Variants in GRIN2B observed in about 807,000 individuals in gnomAD.
GRIN2B encodes the protein glutamate receptor ionotropic, NMDA 2B.
A neutral mutation model predicts 114.5 loss-of-function variants in GRIN2B; 5 were observed. The observed-to-expected ratio is 0.04, with a 90% CI of 0.02 to 0.09. GRIN2B has a LOEUF of 0.09. Ranked by LOEUF, GRIN2B falls within the 10% of genes least tolerant of loss-of-function variation. GRIN2B has a pLI of 1.00. For synonymous variants in GRIN2B, 787 were observed against 745.1 expected, an observed-to-expected ratio of 1.06 and a Z score of -0.92; for missense variants, 1,108 against 1,943.5, an observed-to-expected ratio of 0.57 and a Z score of 8.08.
intron 2 of GRIN2B, among the ~76,000 whole-genome samples, chr12:13,910,651 T>C (rs1403824304): frequency 1.3e-5 from 2 of 152,178 alleles, no homozygotes; most frequent in East Asian, 3.9e-4. Context: ...CCGCACACCA[T>C]TTCCCAAGGA....
At chr12:13,807,506 CT>C (rs750480851) in intron 3 of GRIN2B, among the ~76,000 whole-genome samples, 4 of 152,042 alleles carry the variant, frequency 2.6e-5, no homozygotes, top group Non-Finnish European at 4.4e-5. Flanking sequence ...AGTAAGTAAG[CT>C]TTCCTAGGCA....
chr12:13,825,055 ATTTAAT>A (rs1865007462), intron 3 of GRIN2B, among the ~76,000 whole-genome samples: 1 of 152,000 alleles, frequency 6.6e-6, no homozygotes, highest in South Asian at 2.1e-4. Context: ...GAATATAATC[ATTTAAT>A]TTTATAAATG....
chr12:13,916,735 A>ACACACACACAAATGTG (rs59238170), intron 2 of GRIN2B, among the ~76,000 whole-genome samples: 1 of 101,904 alleles, frequency 9.8e-6, no homozygotes, highest in Non-Finnish European at 2.1e-5. Flanking sequence ...ACACACACAC[A>ACACACACACAAATGTG]TTTGTGTGTG....
At chr12:13,614,665 GC>G (rs528049531) in intron 8 of GRIN2B, among the ~76,000 whole-genome samples, 4 of 152,202 alleles carry the variant, frequency 2.6e-5, no homozygotes, top group Non-Finnish European at 5.9e-5. Context: ...GTAGCTCTGA[GC>G]GCAATTCTTG....
intron 3 of GRIN2B, among the ~76,000 whole-genome samples, chr12:13,763,007 A>C (rs1017396299): frequency 6.6e-6 from 1 of 152,118 alleles, no homozygotes; most frequent in African/African-American, 2.4e-5. Flanking sequence ...GTTCACAATC[A>C]AAGAGGCTTT....
rs1461035543 is a variant in GRIN2B at position 13,933,249 on chromosome 12, G to A, written c.-19+46679C>T. On this transcript the variant is annotated intron_variant, in intron 2 of 13. Coordinates refer to ENST00000609686, the MANE Select transcript of GRIN2B (RefSeq NM_000834.5). The stretch of plus-strand genomic sequence containing the variant: ...AACTCTCTTCAATTAAACCCTTTGA[G>A]TATGCCATTGTCTCCCTGCCAGCAC... Among the ~76,000 whole-genome samples the A allele has an allele frequency of 2.6e-5, 4 of 152,190 alleles. No homozygotes were observed. In the South Asian group the frequency reaches 6.2e-4, roughly 24 times the overall value.
At chr12:13,802,362 C>A (rs111823455) in intron 3 of GRIN2B, among the ~76,000 whole-genome samples, 6,905 of 152,014 alleles carry the variant, frequency 0.045, 312 homozygotes, top group African/African-American at 0.11. Flanking sequence ...CACTATTGAT[C>A]AACACACATA....
chr12:13,564,245 C>T lies in GRIN2B; in HGVS notation c.2993G>A (p.Ser998Asn). ...HHRPHSIGSA[S>N]SIDGLYDCDN... ...ACAGTCGTAGAGCCCATCGATGGAG[C>T]TGGCACTGCCAATACTATGGGGCCG... Residue 998 changes from serine to asparagine, a missense_variant, in exon 14 of 14, where the codon AGC (serine) becomes AAC (asparagine). Transcript: ENST00000609686. This position sits in a 1 kb window ranked among gnomAD's most constrained non-coding sequence, Gnocchi z 4.8. 1 of 1,614,186 alleles carries T rather than the reference C, an allele frequency of 6.2e-7. No homozygotes were observed. Among genetic ancestry groups the T allele is most frequent in the East Asian group, 2.2e-5 (1 of 44,864 alleles).
intron 4 of GRIN2B, among the ~76,000 whole-genome samples, chr12:13,734,703 A>G (rs1284712077): frequency 6.6e-6 from 1 of 152,214 alleles, no homozygotes; most frequent in East Asian, 1.9e-4. Context: ...AACTGTTTGC[A>G]CATCTATGTG....
At chr12:13,689,105 T>A (rs1017396013) in intron 4 of GRIN2B, among the ~76,000 whole-genome samples, 1 of 152,212 alleles carries the variant, frequency 6.6e-6, no homozygotes, top group Non-Finnish European at 1.5e-5. Context: ...TTTATGCAGA[T>A]ATCAGCCATT....
rs74930846 is a variant in GRIN2B, at chr12:13,972,706, T to C, written c.-19+7222A>G. ...GGCCACATGGCCAACCTTAGGACTATTTTCACAGTTTTTAAAGGGTGGTTG... is the reference window on the plus strand; with the variant it reads ...GGCCACATGGCCAACCTTAGGACTACTTTCACAGTTTTTAAAGGGTGGTTG... On this transcript the variant is annotated intron_variant, in intron 2 of 13. Transcript: ENST00000609686. 8.7e-4 allele frequency among the ~76,000 whole-genome samples: 133 copies of C among 152,262 alleles called. 1 individual carries two copies. The highest frequency in any genetic ancestry group is 3.4e-3 in the Middle Eastern group (1 of 294).
At chr12:13,860,467 T>C (rs1865733668) in intron 3 of GRIN2B, among the ~76,000 whole-genome samples, 1 of 152,166 alleles carries the variant, frequency 6.6e-6, no homozygotes, top group African/African-American at 2.4e-5. Context: ...TAGCTGTGAT[T>C]ACAGGTGTGC....
chr12:13,898,878 T>C (rs1866398538), intron 2 of GRIN2B, among the ~76,000 whole-genome samples: 1 of 152,250 alleles, frequency 6.6e-6, no homozygotes, highest in Non-Finnish European at 1.5e-5. Context: ...GCCATTGCAC[T>C]CCGTGGGCAA....
chr12:13,584,284 T>A (rs1261913875), intron 10 of GRIN2B, among the ~76,000 whole-genome samples: 3 of 152,186 alleles, frequency 2.0e-5, no homozygotes, highest in Non-Finnish European at 2.9e-5. Flanking sequence ...TGGGCCAGAC[T>A]TAATTGCCTT....
rs376327079 is a variant in GRIN2B at position 13,800,680 on chromosome 12, A to G, written c.412-46765T>C. Among the ~76,000 whole-genome samples, 5 of 152,194 alleles carry G rather than the reference A, an allele frequency of 3.3e-5. No homozygotes were observed. In the East Asian group the frequency reaches 7.7e-4, roughly 23 times the overall value. On this transcript the variant is annotated intron_variant, in intron 3 of 13. Transcript: ENST00000609686. ...TTCAGCATACTGTTACAGTGAAAAT[A>G]ATAGTCTTTCATTGCCTGATTAATT...
intron 2 of GRIN2B, among the ~76,000 whole-genome samples, chr12:13,869,728 A>G (rs748771210): frequency 6.6e-6 from 1 of 152,166 alleles, no homozygotes; most frequent in Non-Finnish European, 1.5e-5. Flanking sequence ...GCCTCTCAGT[A>G]TAATATGAGT....
At chr12:13,894,674 T>G (rs1866326309) in intron 2 of GRIN2B, among the ~76,000 whole-genome samples, 2 of 152,162 alleles carry the variant, frequency 1.3e-5, no homozygotes, top group African/African-American at 4.8e-5. Context: ...AAGTTATATG[T>G]TAAACATTGC....
At chr12:13,825,493 A>ATATATATATTT (rs1555144006) in intron 3 of GRIN2B, among the ~76,000 whole-genome samples, 1 of 28,132 alleles carries the variant, frequency 3.6e-5, no homozygotes, top group African/African-American at 1.1e-4. Flanking sequence ...ATATATATAT[A>ATATATATATTT]TTTTGTGTGT....
At chr12:13,766,771 T>C (rs550416628) in intron 3 of GRIN2B, among the ~76,000 whole-genome samples, 7 of 152,348 alleles carry the variant, frequency 4.6e-5, no homozygotes, top group African/African-American at 1.7e-4. Context: ...TCAGAAAAGC[T>C]GGGGGAATGA....
Sources: allele counts gnomAD v4.1 joint callset (sites outside exome capture counted in the v4.1 genomes callset), GRCh38; gene constraint gnomAD v4.1.1; non-coding constraint Gnocchi (gnomAD v3.1); transcripts MANE v1.5; gene names NCBI Gene and HGNC (gene_info 2026-07-23, HGNC 2026-07-21).